The following CSMD1 variants were observed in gnomAD, a reference collection of about 807,000 sequenced individuals.
CSMD1 encodes the protein CUB and Sushi multiple domains 1.
CSMD1 carries 213 observed loss-of-function variants against 417.5 expected under a neutral mutation model. The observed-to-expected ratio is 0.51, with a 90% CI of 0.46 to 0.57. The LOEUF (loss-of-function observed/expected upper bound fraction) is 0.57, where lower values mean the gene tolerates loss of function less well. Among genes scored for constraint, CSMD1 ranks in the 20% least tolerant of loss-of-function variants. CSMD1 has a pLI of 0.00. For synonymous variants in CSMD1, 2,862 were observed against 1,736.8 expected (o/e 1.65, Z -16.11); for missense variants, 6,923 against 4,529.7 (o/e 1.53, Z -15.17).
intron 3 of CSMD1, among the ~76,000 whole-genome samples, chr8:4,071,260 C>A (rs868004856): frequency 6.6e-6 from 1 of 152,072 alleles, no homozygotes; most frequent in Admixed American, 6.5e-5. Context: ...AGAAGCCTGA[C>A]GCCCTGCTTG....
chr8:3,167,282 T>C (rs1160185683), intron 37 of CSMD1, among the ~76,000 whole-genome samples: 1 of 128,702 alleles, frequency 7.8e-6, no homozygotes, highest in Non-Finnish European at 1.6e-5. Context: ...AGACTCCAAC[T>C]TGGAAAAAGA....
At chr8:4,715,853 T>G (rs1808621125) in intron 1 of CSMD1, among the ~76,000 whole-genome samples, 2 of 152,196 alleles carry the variant, frequency 1.3e-5, no homozygotes, top group African/African-American at 4.8e-5. Context: ...TTTGCTTGGA[T>G]TACGGGAATT....
chr8:3,848,972 C>T (rs990917300), intron 5 of CSMD1, among the ~76,000 whole-genome samples: 1 of 150,936 alleles, frequency 6.6e-6, no homozygotes, highest in South Asian at 2.1e-4. Flanking sequence ...CAAAAATATA[C>T]TCCTAGTTAA....
chr8:4,258,178 C>G (rs1267733902), intron 3 of CSMD1, among the ~76,000 whole-genome samples: 1 of 150,192 alleles, frequency 6.7e-6, no homozygotes, highest in Non-Finnish European at 1.5e-5. Context: ...CTCCTGGCCT[C>G]AAGCAATCTT....
intron 1 of CSMD1, among the ~76,000 whole-genome samples, chr8:4,976,493 G>C (rs373369226): frequency 6.6e-6 from 1 of 152,002 alleles, no homozygotes; most frequent in South Asian, 2.1e-4. Context: ...ATAATATTAC[G>C]TTGTTTTTTA....
rs976997559 is a variant in CSMD1 at position 3,162,185 on chromosome 8, G to T, written c.5818C>A (p.Gln1940Lys). ...TGCAGGGTGTACCCGGGCTCGCACTGGAAGGAGAGCACGTCGTTCACCATG... is the reference window on the plus strand; with the variant it reads ...TGCAGGGTGTACCCGGGCTCGCACTTGAAGGAGAGCACGTCGTTCACCATG... ...RYMVNDVLSF[Q>K]CEPGYTLQGR... Residue 1940 changes from glutamine (Q) to lysine (K), a missense_variant, in exon 38 of 70, where the codon CAG (glutamine) becomes AAG (lysine). Physicochemically the swap from Gln to Lys is moderately conservative, Grantham distance 53. Coordinates refer to ENST00000635120, the MANE Select transcript of CSMD1 (RefSeq NM_033225.6). The T allele has an allele frequency of 1.9e-6, 3 of 1,608,794 alleles. No homozygotes were observed. Among genetic ancestry groups the T allele is most frequent in the Admixed American group, 3.4e-5 (2 of 59,594 alleles).
intron 3 of CSMD1, among the ~76,000 whole-genome samples, chr8:4,230,777 T>G (rs188706856): frequency 2.0e-4 from 30 of 152,300 alleles, no homozygotes; most frequent in African/African-American, 6.5e-4. Context: ...TTTTTTGACT[T>G]TCAAGTAATT....
At chr8:4,173,789 G>A (rs1797892430) in intron 3 of CSMD1, among the ~76,000 whole-genome samples, 1 of 152,176 alleles carries the variant, frequency 6.6e-6, no homozygotes, top group African/African-American at 2.4e-5. Context: ...TGACTCAAAA[G>A]TTAGTGGTGA....
At chr8:3,124,232 C>T (rs558269957) in intron 41 of CSMD1, among the ~76,000 whole-genome samples, 65 of 152,016 alleles carry the variant, frequency 4.3e-4, no homozygotes, top group South Asian at 6.2e-4. Context: ...TTTATTGACT[C>T]TACTCTGTTA....
intron 3 of CSMD1, among the ~76,000 whole-genome samples, chr8:4,132,824 G>A (rs7820480): frequency 0.027 from 4,058 of 152,294 alleles, 188 homozygotes; most frequent in African/African-American, 0.091. Flanking sequence ...TATAAATGCA[G>A]ATGATAGACA....
intron 3 of CSMD1, among the ~76,000 whole-genome samples, chr8:4,103,852 C>A (rs998568143): frequency 3.9e-5 from 6 of 152,192 alleles, no homozygotes; most frequent in African/African-American, 1.4e-4. Context: ...TCCCTGGCAG[C>A]ATTGTCTGGT....
At chr8:4,380,990 G>T (rs540495879) in intron 3 of CSMD1, among the ~76,000 whole-genome samples, 1 of 152,024 alleles carries the variant, frequency 6.6e-6, no homozygotes, top group African/African-American at 2.4e-5. Flanking sequence ...AAGAAAAAGC[G>T]TATCTCACTG....
At position 2,954,389 on chromosome 8, in the gene CSMD1, A is replaced by G. The variant is rs966285501; in HGVS notation, c.9995-121T>C. The G allele has an allele frequency of 8.5e-6, 5 of 589,618 alleles. No homozygotes were observed. The African/African-American group carries it at 9.4e-5, about 11-fold the overall frequency. The allele number at this position is 589,618 out of a possible 1,614,324, so 36.5% of individuals were successfully genotyped here. A position where few individuals can be genotyped will look rare whatever the true frequency, so the allele number is the denominator to read the frequency against. ...GATTTTTTTAATGTACAAAATATGA[A>G]TACCTTATACATATACATTTTAAAC... On this transcript the variant is annotated intron_variant, in intron 64 of 69. Coordinates refer to ENST00000635120, the MANE Select transcript of CSMD1 (RefSeq NM_033225.6).
At chr8:4,165,174 G>C (rs4341189) in intron 3 of CSMD1, among the ~76,000 whole-genome samples, 181 of 152,012 alleles carry the variant, frequency 1.2e-3, no homozygotes, top group African/African-American at 4.1e-3. Context: ...TGATACCTAC[G>C]CCTAGCCAGT....
chr8:4,649,442 T>G (rs968872048), intron 1 of CSMD1, among the ~76,000 whole-genome samples: 15 of 152,166 alleles, frequency 9.9e-5, no homozygotes, highest in Non-Finnish European at 1.8e-4. Flanking sequence ...ACTAAAGAGC[T>G]TGAGTGATTT....
chr8:3,506,666 T>A (rs1426393221), intron 10 of CSMD1, among the ~76,000 whole-genome samples: 1 of 152,178 alleles, frequency 6.6e-6, no homozygotes, highest in Non-Finnish European at 1.5e-5. Flanking sequence ...AGTAAGTTTC[T>A]GGAATAAATA....
chr8:3,710,986 A>T (rs1036041091), intron 6 of CSMD1, among the ~76,000 whole-genome samples: 1 of 152,150 alleles, frequency 6.6e-6, no homozygotes, highest in Non-Finnish European at 1.5e-5. Flanking sequence ...CTTCTGTATC[A>T]TGCCTTGACC....
At chr8:4,177,435 G>A (rs921675093) in intron 3 of CSMD1, among the ~76,000 whole-genome samples, 6 of 152,104 alleles carry the variant, frequency 3.9e-5, no homozygotes, top group Admixed American at 1.3e-4. Flanking sequence ...AAAGCAGTGT[G>A]TAGAGGGAAA....
intron 3 of CSMD1, among the ~76,000 whole-genome samples, chr8:4,213,792 G>A (rs548982512): frequency 4.6e-5 from 7 of 152,264 alleles, no homozygotes; most frequent in East Asian, 1.9e-4. Flanking sequence ...AGGGTGGAAC[G>A]CAAACTAACT....
Sources: allele counts gnomAD v4.1 joint callset (sites outside exome capture counted in the v4.1 genomes callset), GRCh38; gene constraint gnomAD v4.1.1; transcripts MANE v1.5; gene names NCBI Gene and HGNC (gene_info 2026-07-23, HGNC 2026-07-21).